Variants in FYCO1 observed in about 807,000 individuals in gnomAD.
FYCO1 encodes the protein FYVE and coiled-coil domain autophagy adaptor 1.
In FYCO1, 122 loss-of-function variants were observed where a neutral mutation model predicts 165.1. The observed-to-expected ratio is 0.74, with a 90% CI of 0.64 to 0.86. FYCO1 has a LOEUF of 0.86. FYCO1 is among the 40% of genes least tolerant of loss of function. The pLI is 0.00. For synonymous variants in FYCO1, 648 were observed against 742.5 expected (o/e 0.87, Z 2.07); for missense variants, 1,702 against 1,810.3 (o/e 0.94, Z 1.09).
At chr3:45,947,623 T>C in intron 14 of FYCO1, 1 of 792,360 alleles carries the variant, frequency 1.3e-6, no homozygotes, top group Non-Finnish European at 2.1e-6. Flanking sequence ...GGAGAAGTTA[T>C]CAGACACTCT....
intron 14 of FYCO1, among the ~76,000 whole-genome samples, chr3:45,949,266 T>C (rs1285300529): frequency 6.6e-6 from 1 of 152,216 alleles, no homozygotes; most frequent in Non-Finnish European, 1.5e-5. Context: ...TCTGCCCTTT[T>C]AGGGTGACAA....
Position 45,966,740 on chromosome 3 carries a change from T to C in FYCO1, c.2594A>G (p.Gln865Arg), listed in dbSNP as rs1165811529. The C allele has an allele frequency of 6.2e-7, 1 of 1,611,638 alleles. No individual in the cohort carries two copies. Among genetic ancestry groups the C allele is most frequent in the Non-Finnish European group, 8.5e-7 (1 of 1,179,980 alleles). ...CAGGGCCCGCAGCTCCTCCTCCCTC[T>C]GCTGGGCCTCATCGGCCCTCTCCTC... ...LQEERADEAQ[Q>R]REEELRALQE... Residue 865 changes from glutamine (Q) to arginine (R), a missense_variant, in exon 8 of 18, where the codon CAG becomes CGG. Transcript: ENST00000296137.
intron 14 of FYCO1, chr3:45,948,099 TAA>T (rs1176563862): frequency 6.0e-6 from 1 of 167,484 alleles, no homozygotes; most frequent in Non-Finnish European, 1.5e-5. Context: ...AACTGAATTA[TAA>T]GAGGCTGATA....
chr3:45,938,155 C>A, intron 14 of FYCO1: 1 of 1,206,120 alleles, frequency 8.3e-7, no homozygotes, highest in South Asian at 1.3e-5. Flanking sequence ...CTCCATCACC[C>A]TCCTCCCTGA....
chr3:45,979,726 G>T lies in FYCO1; in HGVS notation c.267C>A (p.Arg89=), dbSNP rs4682801. The change falls in exon 4 of 18, where the codon CGC becomes CGA. Residue 89 remains arginine (R), a synonymous_variant. Coordinates refer to ENST00000296137, the MANE Select transcript of FYCO1 (RefSeq NM_024513.4). ...AKVKGANDGI[R]FVKSISELRT... is the part of the protein sequence containing the mutation. ...TTACCTCTGAGATAGACTTGACAAA[G>T]CGGATCCCATCATTGGCTCCTTTCA... 1,240,438 of 1,613,298 alleles carry T rather than the reference G, an allele frequency of 0.77. 484,605 individuals are homozygous for T. Among genetic ancestry groups the T allele is most frequent in the East Asian group, 1 (44,839 of 44,864 alleles).
In FYCO1 at chr3:45,979,810, G is replaced by A; in HGVS notation, c.183C>T (p.Ala61=). The change falls in exon 4 of 18, where the codon GCC becomes GCT. Residue 61 remains alanine (A), a synonymous_variant. Coordinates refer to ENST00000296137, the MANE Select transcript of FYCO1 (RefSeq NM_024513.4). ...YLLQFDQKEK[A]TLLGNKKDYW... Reference sequence around the variant, plus strand: ...AGTCCTTCTTGTTGCCCAGGAGGGTGGCCTTCTCTTTCTGATCAAACTGGG... The same window carrying A: ...AGTCCTTCTTGTTGCCCAGGAGGGTAGCCTTCTCTTTCTGATCAAACTGGG... The A allele has an allele frequency of 6.2e-7, 1 of 1,614,008 alleles. No homozygotes were observed. Among genetic ancestry groups the A allele is most frequent in the Non-Finnish European group, 8.5e-7 (1 of 1,179,936 alleles).
chr3:45,958,802 T>C, intron 12 of FYCO1, 183 bp from the exon 13 acceptor site: 1 of 696,568 alleles, frequency 1.4e-6, no homozygotes, highest in Non-Finnish European at 2.6e-6. Flanking sequence ...GTCAGCTTGG[T>C]GAAAGCATGG....
intron 7 of FYCO1, 60 bp downstream of exon 7, chr3:45,969,615 G>T: frequency 7.3e-7 from 1 of 1,361,178 alleles, no homozygotes; most frequent in Non-Finnish European, 1.0e-6. Context: ...AGTTGCTAGG[G>T]GCAAGGACAT....
At chr3:45,933,611 A>T (rs534236429) in intron 15 of FYCO1, among the ~76,000 whole-genome samples, 1 of 152,296 alleles carries the variant, frequency 6.6e-6, no homozygotes, top group South Asian at 2.1e-4. Flanking sequence ...ACTGAAAATG[A>T]TTCAGCAGTT....
intron 6 of FYCO1, 113 bp downstream of exon 6, chr3:45,972,975 G>T: frequency 9.5e-7 from 1 of 1,048,922 alleles, no homozygotes. Flanking sequence ...GAGTTGAACA[G>T]GTTTGTGTAA....
At position 45,962,354 on chromosome 3, in the gene FYCO1, T is replaced by C. The variant is rs1466866159; in HGVS notation, c.3308A>G (p.Gln1103Arg). ...KELEKATTKI[Q>R]EYYNKLCQEV... ...CTGGCAGAGTTTGTTGTAATACTCTTGGATTTTTGTTGTGGCTTTTTCGAG... is the reference window on the plus strand; with the variant it reads ...CTGGCAGAGTTTGTTGTAATACTCTCGGATTTTTGTTGTGGCTTTTTCGAG... Residue 1103 changes from glutamine to arginine, a missense_variant, in exon 11 of 18, where the codon CAA (glutamine) becomes CGA (arginine). Physicochemically the swap from Gln to Arg is conservative, Grantham distance 43. Transcript: ENST00000296137. The surrounding 1 kb of genome is among the most constrained non-coding windows in gnomAD (Gnocchi z 4.4). The C allele has an allele frequency of 3.1e-6, 5 of 1,614,062 alleles. 1 individual carries two copies. The highest frequency in any genetic ancestry group is 2.2e-5 in the South Asian group (2 of 91,082).
rs1706539226 is a variant in FYCO1 at position 45,973,179 on chromosome 3, T to C, written c.448A>G (p.Ile150Val). 5.6e-6 allele frequency: 9 copies of C among 1,614,092 alleles called. No homozygotes were observed. The highest frequency in any genetic ancestry group is 3.3e-5 in the Admixed American group (2 of 60,012). The part of the protein sequence containing the change: ...PFLQPKLSSD[I>V]VGQLYELTEV... ...GTCAGCTCATAGAGTTGGCCCACAA[T>C]GTCCGAGCTCAGCTTTGGCTGCAGA... The change falls in exon 6 of 18, where the codon ATT becomes GTT. Residue 150 changes from isoleucine to valine, a missense_variant. Physicochemically the swap from Ile to Val is conservative, Grantham distance 29. Coordinates refer to ENST00000296137, the MANE Select transcript of FYCO1 (RefSeq NM_024513.4).
rs779810632 is a variant in FYCO1 at position 45,923,702 on chromosome 3, G to A, written c.4315C>T (p.Arg1439Cys). The change falls in exon 17 of 18, where the codon CGC (arginine) becomes TGC (cysteine). Residue 1439 changes from arginine (R) to cysteine (C), a missense_variant. Physicochemically the swap from Arg to Cys is radical, Grantham distance 180 (BLOSUM62 -3). Transcript: ENST00000296137. The part of the protein sequence containing the change: ...KENIQGQLKV[R>C]TPGIYMLIFD... ...ATGAGCATGTAGATGCCGGGTGTGC[G>A]AACCTTGAGCTGGCCCTGGATGTTC... is the stretch of plus-strand genomic sequence containing the variant. The A allele has an allele frequency of 1.9e-6, 3 of 1,614,144 alleles. No individual in the cohort carries two copies. The highest frequency in any genetic ancestry group is 2.5e-6 in the Non-Finnish European group (3 of 1,179,994).
chr3:45,946,808 C>T, intron 14 of FYCO1: 3 of 1,614,234 alleles, frequency 1.9e-6, no homozygotes, highest in South Asian at 1.1e-5. Context: ...TGGGCATCTA[C>T]ACTATTAACT....
At chr3:45,969,567 C>A (rs1273438960) in intron 7 of FYCO1, 108 bp downstream of exon 7, 2 of 835,274 alleles carry the variant, frequency 2.4e-6, no homozygotes, top group Non-Finnish European at 2.0e-6. Flanking sequence ...TTCTATTGCT[C>A]TGGCTGGAAC....
At chr3:45,947,383 A>G in intron 14 of FYCO1, 1 of 1,614,224 alleles carries the variant, frequency 6.2e-7, no homozygotes, top group African/African-American at 1.3e-5. Context: ...AACTTCTGGA[A>G]ACTTGTGAAG....
At chr3:45,971,678 T>C (rs977763394) in intron 6 of FYCO1, among the ~76,000 whole-genome samples, 5 of 152,230 alleles carry the variant, frequency 3.3e-5, no homozygotes, top group African/African-American at 1.2e-4. Flanking sequence ...ATAACTGGCC[T>C]GTATTTTTCA....
intron 1 of FYCO1, among the ~76,000 whole-genome samples, chr3:45,990,913 C>T (rs540810513): frequency 5.9e-5 from 9 of 152,076 alleles, no homozygotes; most frequent in Non-Finnish European, 1.0e-4. Flanking sequence ...GCTGGGGCTA[C>T]AGGCGCACGC....
chr3:45,927,021 G>A (rs1242524962), intron 16 of FYCO1, among the ~76,000 whole-genome samples: 5 of 151,794 alleles, frequency 3.3e-5, no homozygotes, highest in African/African-American at 4.8e-5. Context: ...TCCTTTTCAA[G>A]TGCACTCGGC....
Sources: gnomAD v4.1 joint callset for allele counts (sites outside exome capture counted in the v4.1 genomes callset) on GRCh38, gnomAD v4.1.1 for gene constraint, Gnocchi (gnomAD v3.1) non-coding constraint, MANE v1.5 for transcripts, NCBI Gene and HGNC (gene_info 2026-07-23, HGNC 2026-07-21) for gene names.